MYT1L: variants seen among roughly 807,000 people sequenced by gnomAD.
The protein encoded by MYT1L is myelin transcription factor 1 like.
Under a neutral mutation model 126.7 loss-of-function variants are expected in MYT1L, and 12 were observed. The observed-to-expected ratio is 0.09, with a 90% CI of 0.06 to 0.15. The LOEUF is 0.15. Among genes scored for constraint, MYT1L ranks in the 10% least tolerant of loss-of-function variants. The pLI is 1.00. For synonymous variants in MYT1L, 541 were observed against 604.2 expected, an observed-to-expected ratio of 0.90 and a Z score of 1.53; for missense variants, 979 against 1,585.2, an observed-to-expected ratio of 0.62 and a Z score of 6.49.
intron 18 of MYT1L, among the ~76,000 whole-genome samples, chr2:1,864,094 G>C (rs1208639437): frequency 1.3e-5 from 2 of 152,210 alleles, no homozygotes; most frequent in African/African-American, 4.8e-5. Flanking sequence ...GCCTGACATG[G>C]CCCAGGTGGA....
chr2:1,935,911 C>T (rs2055814247), intron 9 of MYT1L, among the ~76,000 whole-genome samples: 1 of 152,182 alleles, frequency 6.6e-6, no homozygotes, highest in Non-Finnish European at 1.5e-5. Flanking sequence ...TTTATGCATC[C>T]ACCTGCATCT....
intron 4 of MYT1L, among the ~76,000 whole-genome samples, chr2:2,016,429 A>T (rs1266444335): frequency 6.6e-6 from 1 of 152,220 alleles, no homozygotes; most frequent in Admixed American, 6.5e-5. Context: ...GGAATTTAAG[A>T]TGGGGAAGCA....
At chr2:1,810,828 A>C (rs1400319253) in intron 21 of MYT1L, among the ~76,000 whole-genome samples, 1 of 152,152 alleles carries the variant, frequency 6.6e-6, no homozygotes, top group African/African-American at 2.4e-5. Flanking sequence ...CACAGGTCTA[A>C]GTTGTTATTT....
At chr2:2,127,906 G>C (rs2081920564) in intron 3 of MYT1L, among the ~76,000 whole-genome samples, 1 of 152,280 alleles carries the variant, frequency 6.6e-6, no homozygotes, top group South Asian at 2.1e-4. Context: ...CCATTTCCTA[G>C]CTGCCTGAAA....
At chr2:1,877,350 C>CA (rs2047039717) in intron 18 of MYT1L, among the ~76,000 whole-genome samples, 1 of 152,156 alleles carries the variant, frequency 6.6e-6, no homozygotes, top group Non-Finnish European at 1.5e-5. Flanking sequence ...TGTGATTGCA[C>CA]AAAAATGCAA....
At chr2:1,875,760 C>A (rs1232041539) in intron 18 of MYT1L, among the ~76,000 whole-genome samples, 1 of 152,154 alleles carries the variant, frequency 6.6e-6, no homozygotes, top group East Asian at 1.9e-4. Context: ...CATTCCGATT[C>A]TTTCTTGACC....
chr2:1,905,827 G>C lies in MYT1L; in HGVS notation c.1818-2533C>G, dbSNP rs77923009. Among the ~76,000 whole-genome samples, 289 of 152,316 alleles carry C rather than the reference G, an allele frequency of 1.9e-3. 2 individuals carry two copies. The highest frequency in any genetic ancestry group is 6.6e-3 in the African/African-American group (275 of 41,572). ...GGAAGGAAACTCTTTGGCAACTGAT[G>C]TGCAAACAATATTTTGATTGTTCTC... On this transcript the variant is annotated intron_variant, in intron 13 of 24. Transcript: ENST00000647738.
At position 1,814,037 on chromosome 2, in the gene MYT1L, AAAAAAAG is replaced by A. The variant is rs1487147766; in HGVS notation, c.3081-4877_3081-4871del. Among the ~76,000 whole-genome samples, 5 of 150,086 alleles carry A rather than the reference AAAAAAAG, an allele frequency of 3.3e-5. No individual in the cohort carries two copies. The South Asian group carries it at 8.5e-4, about 25-fold the overall frequency. The stretch of plus-strand genomic sequence containing the variant: ...GCGAGACTCCGTCCCCAAAAAAAAA[AAAAAAAG>A]AAAGAAAAATTAGCTTCCATGAAAC... On this transcript the variant is annotated intron_variant, in intron 21 of 24. Coordinates refer to ENST00000647738, the MANE Select transcript of MYT1L (RefSeq NM_001303052.2).
intron 18 of MYT1L, among the ~76,000 whole-genome samples, chr2:1,861,996 G>GATCCACCTGCAGCCTCTGT (rs1553273059): frequency 6.6e-6 from 1 of 152,112 alleles, no homozygotes. Flanking sequence ...TGTAATCCTG[G>GATCCACCTGCAGCCTCTGT]AATTCGCTGA....
chr2:2,139,570 C>T (rs1469900573), intron 3 of MYT1L, among the ~76,000 whole-genome samples: 1 of 151,772 alleles, frequency 6.6e-6, no homozygotes, highest in Non-Finnish European at 1.5e-5. Context: ...ACTCGGGAGG[C>T]GAAGGTTGCA....
At chr2:1,877,334 T>G (rs2047038358) in intron 18 of MYT1L, among the ~76,000 whole-genome samples, 1 of 152,228 alleles carries the variant, frequency 6.6e-6, no homozygotes. Context: ...CAGGTTTCAA[T>G]CACATTGTGA....
intron 18 of MYT1L, among the ~76,000 whole-genome samples, chr2:1,859,924 G>A (rs958989563): frequency 6.6e-6 from 1 of 152,226 alleles, no homozygotes; most frequent in Non-Finnish European, 1.5e-5. Context: ...CTTGTTTTCT[G>A]GGGATTCTCT....
chr2:2,272,553 T>C (rs1335021533), intron 2 of MYT1L, among the ~76,000 whole-genome samples: 1 of 152,178 alleles, frequency 6.6e-6, no homozygotes, highest in African/African-American at 2.4e-5. Context: ...AGTGTGTGCA[T>C]GTTAGTGAGT....
intron 21 of MYT1L, among the ~76,000 whole-genome samples, chr2:1,819,262 A>G (rs1244167459): frequency 6.6e-6 from 1 of 152,218 alleles, no homozygotes; most frequent in African/African-American, 2.4e-5. Flanking sequence ...CAAACGTCCT[A>G]TCTCTATTCA....
chr2:1,958,419 C>T (rs1030120312), intron 8 of MYT1L, among the ~76,000 whole-genome samples: 4 of 151,654 alleles, frequency 2.6e-5, no homozygotes, highest in Admixed American at 1.3e-4. Context: ...AGCGGGAGGA[C>T]GAGGATGTGG....
intron 3 of MYT1L, among the ~76,000 whole-genome samples, chr2:2,131,832 T>C (rs549362597): frequency 1.2e-3 from 180 of 151,304 alleles, no homozygotes; most frequent in African/African-American, 4.1e-3. Context: ...GAGACTACTC[T>C]CTCAGACACC....
rs144240326 is a variant in MYT1L, at chr2:2,313,598, T to C, written c.-521+17369A>G. ...ACTCAATATAGGGAAAGACCCTACT[T>C]GATATCACACAGGAAATGGGGGATG... On this transcript the variant is annotated intron_variant, in intron 1 of 24. Transcript: ENST00000647738. 4.4e-3 allele frequency among the ~76,000 whole-genome samples: 677 copies of C among 152,174 alleles called. 3 individuals are homozygous for C. The highest frequency in any genetic ancestry group is 0.016 in the African/African-American group (649 of 41,518).
intron 3 of MYT1L, among the ~76,000 whole-genome samples, chr2:2,119,092 A>T (rs1051564052): frequency 6.6e-6 from 1 of 152,268 alleles, no homozygotes; most frequent in Non-Finnish European, 1.5e-5. Flanking sequence ...TTGCATTTAC[A>T]CTGAAACCTT....
chr2:2,103,226 A>G (rs937974512), intron 3 of MYT1L, among the ~76,000 whole-genome samples: 2 of 152,204 alleles, frequency 1.3e-5, no homozygotes, highest in African/African-American at 4.8e-5. Context: ...TATACTTACA[A>G]TGGCCTCTAC....
Sources: gnomAD v4.1 joint callset for allele counts (sites outside exome capture counted in the v4.1 genomes callset) on GRCh38, gnomAD v4.1.1 for gene constraint, MANE v1.5 for transcripts, NCBI Gene and HGNC (gene_info 2026-07-23, HGNC 2026-07-21) for gene names.